CPNE4: variants seen among roughly 807,000 people sequenced by gnomAD.
CPNE4 encodes the protein copine 4.
Under a neutral mutation model 67.9 loss-of-function variants are expected in CPNE4, and 25 were observed. The ratio of observed to expected loss-of-function variants is 0.37; its 90% CI spans 0.27 to 0.51. CPNE4 has a LOEUF of 0.51. Ranked by LOEUF, CPNE4 falls within the 20% of genes least tolerant of loss-of-function variation. CPNE4 has a pLI of 0.93. For synonymous variants in CPNE4, 242 were observed against 244.9 expected (o/e 0.99, Z 0.11); for missense variants, 464 against 690.8 (o/e 0.67, Z 3.68).
chr3:131,596,969 T>C (rs933882185), intron 7 of CPNE4, among the ~76,000 whole-genome samples: 1 of 152,212 alleles, frequency 6.6e-6, no homozygotes, highest in African/African-American at 2.4e-5. Flanking sequence ...TTTCATGTAG[T>C]AACATTCTGA....
intron 14 of CPNE4, among the ~76,000 whole-genome samples, chr3:131,544,399 T>G (rs1273711035): frequency 6.6e-6 from 1 of 152,198 alleles, no homozygotes; most frequent in Non-Finnish European, 1.5e-5. Flanking sequence ...TAGGTGAACT[T>G]CACACTGTGA....
intron 2 of CPNE4, among the ~76,000 whole-genome samples, chr3:131,751,702 C>A (rs1052394783): frequency 6.6e-5 from 10 of 151,598 alleles, no homozygotes; most frequent in Admixed American, 3.9e-4. Context: ...ACAAGTTAAA[C>A]CTAGACATTT....
intron 1 of CPNE4, among the ~76,000 whole-genome samples, chr3:131,995,865 G>C (rs2073278013): frequency 6.6e-6 from 1 of 152,102 alleles, no homozygotes; most frequent in African/African-American, 2.4e-5. Context: ...AATTGCCACT[G>C]CAGCATATTT....
At chr3:131,833,592 A>AG (rs1291961008) in intron 2 of CPNE4, among the ~76,000 whole-genome samples, 2 of 152,174 alleles carry the variant, frequency 1.3e-5, no homozygotes, top group African/African-American at 2.4e-5. Context: ...GCTACTGGTC[A>AG]GGGGGCTGAG....
At chr3:131,860,648 A>ACT (rs2086637790) in intron 2 of CPNE4, among the ~76,000 whole-genome samples, 1 of 150,740 alleles carries the variant, frequency 6.6e-6, no homozygotes, top group Non-Finnish European at 1.5e-5. Flanking sequence ...CTAGGTTTGG[A>ACT]TTACATGATT....
chr3:131,671,526 T>A (rs2080417620), intron 6 of CPNE4, among the ~76,000 whole-genome samples: 1 of 151,962 alleles, frequency 6.6e-6, no homozygotes, highest in Non-Finnish European at 1.5e-5. Flanking sequence ...TTTTGCCTGG[T>A]ATTTATTTTG....
At position 131,905,255 on chromosome 3, in the gene CPNE4, C is replaced by T; in HGVS notation, c.180+9G>A. The T allele has an allele frequency of 6.2e-7, 1 of 1,606,424 alleles. No individual in the cohort carries two copies. Among genetic ancestry groups the T allele is most frequent in the Non-Finnish European group, 8.5e-7 (1 of 1,175,322 alleles). ...CCATGGTTCTGTCCATTTCATTGGACATGCCTACCTCAAACCACTGCCCAT... is the reference window on the plus strand; with the variant it reads ...CCATGGTTCTGTCCATTTCATTGGATATGCCTACCTCAAACCACTGCCCAT... On this transcript the variant is annotated intron_variant, in intron 2 of 15. Coordinates refer to ENST00000429747, the MANE Select transcript of CPNE4 (RefSeq NM_130808.3).
chr3:131,615,891 T>TCACA (rs746630965), intron 7 of CPNE4, among the ~76,000 whole-genome samples: 2,857 of 107,730 alleles, frequency 0.027, 44 homozygotes, highest in Middle Eastern at 0.043. Flanking sequence ...TCTCTCTCTC[T>TCACA]CACACACACA....
chr3:131,575,729 A>G (rs73216415), intron 9 of CPNE4, among the ~76,000 whole-genome samples: 3,550 of 152,212 alleles, frequency 0.023, 53 homozygotes, highest in Middle Eastern at 0.048. Context: ...TTATTATTGT[A>G]CCCTGTTTAT....
chr3:131,608,964 G>T (rs1022695999), intron 7 of CPNE4, among the ~76,000 whole-genome samples: 2 of 151,854 alleles, frequency 1.3e-5, no homozygotes, highest in African/African-American at 4.8e-5. Context: ...TCTTCCTTCT[G>T]CCTGGAATGC....
intron 7 of CPNE4, among the ~76,000 whole-genome samples, chr3:131,646,679 T>G: frequency 6.6e-6 from 1 of 152,160 alleles, no homozygotes; most frequent in East Asian, 1.9e-4. Flanking sequence ...ATTGCATGCC[T>G]GCAACAAAAT....
chr3:131,786,422 A>C (rs6767389), intron 2 of CPNE4, among the ~76,000 whole-genome samples: 2 of 152,034 alleles, frequency 1.3e-5, no homozygotes, highest in Non-Finnish European at 2.9e-5. Context: ...ACATCTAAAA[A>C]TAACACTGAT....
intron 10 of CPNE4, among the ~76,000 whole-genome samples, chr3:131,565,508 G>T (rs575971856): frequency 6.6e-6 from 1 of 152,120 alleles, no homozygotes; most frequent in South Asian, 2.1e-4. Context: ...CATGCCACGT[G>T]TGTGTTTGTG....
At chr3:131,983,162 A>C (rs1321322402) in intron 1 of CPNE4, among the ~76,000 whole-genome samples, 1 of 152,128 alleles carries the variant, frequency 6.6e-6, no homozygotes, top group East Asian at 1.9e-4. Flanking sequence ...CTAAGTTCTC[A>C]GGTACTTAAG....
At chr3:131,776,193 G>A (rs1368191710) in intron 2 of CPNE4, among the ~76,000 whole-genome samples, 2 of 140,758 alleles carry the variant, frequency 1.4e-5, no homozygotes, top group African/African-American at 4.9e-5. Context: ...AACCAATGAA[G>A]CATCTTACTC....
At chr3:131,907,309 A>T (rs184410933) in intron 1 of CPNE4, among the ~76,000 whole-genome samples, 1 of 152,228 alleles carries the variant, frequency 6.6e-6, no homozygotes, top group East Asian at 1.9e-4. Flanking sequence ...TCAACCTCAC[A>T]TGGCACTGGT....
intron 2 of CPNE4, among the ~76,000 whole-genome samples, chr3:131,857,058 A>G (rs918827055): frequency 6.6e-6 from 1 of 152,076 alleles, no homozygotes; most frequent in Admixed American, 6.6e-5. Context: ...TCATATATAC[A>G]TACCACCTTG....
intron 1 of CPNE4, among the ~76,000 whole-genome samples, chr3:131,964,662 C>G (rs758750667): frequency 6.6e-5 from 10 of 151,050 alleles, no homozygotes; most frequent in Admixed American, 1.3e-4. Context: ...AGGGTAAAGA[C>G]AAGATTAGGG....
At chr3:131,592,679 G>A (rs929559558) in intron 7 of CPNE4, among the ~76,000 whole-genome samples, 22 of 151,806 alleles carry the variant, frequency 1.4e-4, no homozygotes, top group African/African-American at 5.3e-4. Flanking sequence ...GTTATGCCAT[G>A]CTACCTCTTA....
Sources: gnomAD v4.1 joint callset for allele counts (sites outside exome capture counted in the v4.1 genomes callset) on GRCh38, gnomAD v4.1.1 for gene constraint, MANE v1.5 for transcripts, NCBI Gene and HGNC (gene_info 2026-07-23, HGNC 2026-07-21) for gene names.